Variants in INTS15 observed in about 807,000 individuals in gnomAD.
INTS15 encodes the protein integrator complex subunit 15, also known as uncharacterized protein C7orf26.
At chr7:6,599,925 T>G in the INTS15 span, 1 of 1,614,238 alleles carries the variant, frequency 6.2e-7, no homozygotes. Flanking sequence ...AATACTCCGA[T>G]TGCGGCCAAT....
the INTS15 span, chr7:6,607,393 G>T: frequency 6.5e-6 from 3 of 460,254 alleles, no homozygotes; most frequent in Non-Finnish European, 1.1e-5. This position sits in a 1 kb window ranked among gnomAD's most constrained non-coding sequence, Gnocchi z 6.0. Context: ...GCTGGGCGGG[G>T]TGGGTGCCCA....
the INTS15 span, among the ~76,000 whole-genome samples, chr7:6,595,183 C>T: frequency 6.6e-6 from 1 of 152,168 alleles, no homozygotes; most frequent in East Asian, 1.9e-4. Flanking sequence ...AGGTGCATGC[C>T]ACCACGCCTG....
the INTS15 span, among the ~76,000 whole-genome samples, chr7:6,601,302 TA>T: frequency 6.6e-6 from 1 of 152,134 alleles, no homozygotes; most frequent in African/African-American, 2.4e-5. Context: ...TTTATTCATT[TA>T]TTTTTTTTTT....
the INTS15 span, chr7:6,608,060 G>A: frequency 1.3e-6 from 2 of 1,597,866 alleles, no homozygotes; most frequent in Non-Finnish European, 1.7e-6. Context: ...GCTGGGCTAC[G>A]GGGCTGTCCC....
chr7:6,603,074 A>G, the INTS15 span, among the ~76,000 whole-genome samples: 1 of 151,204 alleles, frequency 6.6e-6, no homozygotes, highest in Non-Finnish European at 1.5e-5. Flanking sequence ...ACATGGTGAA[A>G]CCCCGTCTCT....
At chr7:6,592,288 A>G in the INTS15 span, among the ~76,000 whole-genome samples, 2 of 151,380 alleles carry the variant, frequency 1.3e-5, no homozygotes, top group African/African-American at 4.9e-5. Context: ...TTTTTTGGCC[A>G]TGCTTAGTGG....
At chr7:6,592,003 C>T in the INTS15 span, 1 of 699,540 alleles carries the variant, frequency 1.4e-6, no homozygotes, top group African/African-American at 1.8e-5. Flanking sequence ...GAAATCATGT[C>T]TCTACTAAAA....
chr7:6,596,137 C>T, the INTS15 span, among the ~76,000 whole-genome samples: 11 of 150,942 alleles, frequency 7.3e-5, no homozygotes, highest in African/African-American at 1.5e-4. Flanking sequence ...CTGCAACCTC[C>T]GCCACCTGGG....
At chr7:6,607,631 T>C in the INTS15 span, 1 of 1,459,408 alleles carries the variant, frequency 6.9e-7, no homozygotes, top group South Asian at 1.2e-5. The surrounding 1 kb of genome is among the most constrained non-coding windows in gnomAD (Gnocchi z 6.0). Flanking sequence ...CTGAGGAGAC[T>C]GTGGCCAGCT....
the INTS15 span, chr7:6,599,687 G>A: frequency 1.3e-6 from 1 of 790,312 alleles, no homozygotes; most frequent in Non-Finnish European, 2.1e-6. Flanking sequence ...AAAGGGGACA[G>A]AAAATAGCTA....
At chr7:6,590,538 C>T in the INTS15 span, 6 of 1,453,990 alleles carry the variant, frequency 4.1e-6, no homozygotes, top group African/African-American at 3.0e-5. Context: ...TTTTCCCCAG[C>T]GATGCAGGGC....
chr7:6,607,782 C>T, the INTS15 span: 2 of 1,483,146 alleles, frequency 1.3e-6, no homozygotes, highest in Admixed American at 2.2e-5. This position sits in a 1 kb window ranked among gnomAD's most constrained non-coding sequence, Gnocchi z 6.0. Flanking sequence ...GCATCCTCGC[C>T]TGTGGGGTCC....
the INTS15 span, chr7:6,590,627 C>G: frequency 7.2e-7 from 1 of 1,379,466 alleles, no homozygotes. Context: ...CCCCCAAACC[C>G]TTCTCCGGGT....
At chr7:6,594,001 CTTTTTTTTTT>C in the INTS15 span, among the ~76,000 whole-genome samples, 3 of 68,938 alleles carry the variant, frequency 4.4e-5, no homozygotes, top group South Asian at 5.6e-4. Context: ...AAGCCTTTAA[CTTTTTTTTTT>C]TTTTTTTTTT....
the INTS15 span, among the ~76,000 whole-genome samples, chr7:6,605,845 A>ACT: frequency 6.6e-6 from 1 of 151,614 alleles, no homozygotes; most frequent in Non-Finnish European, 1.5e-5. Flanking sequence ...ATTACAGACA[A>ACT]CTGCCACCAC....
At chr7:6,590,366 T>G in the INTS15 span, 2 of 1,607,184 alleles carry the variant, frequency 1.2e-6, no homozygotes, top group Non-Finnish European at 1.7e-6. Context: ...GACATCTACT[T>G]CAGCAGCCAG....
chr7:6,600,116 C>T, the INTS15 span: 1 of 1,614,222 alleles, frequency 6.2e-7, no homozygotes, highest in East Asian at 2.2e-5. Context: ...GTACTCAAAA[C>T]TCCACCTCAG....
At chr7:6,591,556 G>T in the INTS15 span, 2 of 1,190,532 alleles carry the variant, frequency 1.7e-6, no homozygotes, top group South Asian at 1.3e-5. Context: ...GAGCCACCGC[G>T]CCCAGTCTAT....
At chr7:6,607,600 AG>A in the INTS15 span, 21 of 1,377,578 alleles carry the variant, frequency 1.5e-5, no homozygotes, top group Non-Finnish European at 1.9e-5. The surrounding 1 kb of genome is among the most constrained non-coding windows in gnomAD (Gnocchi z 6.0). Context: ...GAATTCAGGT[AG>A]GGCGCGGTCA....
Sources: gnomAD v4.1 joint callset for allele counts (sites outside exome capture counted in the v4.1 genomes callset) on GRCh38, gnomAD v4.1.1 for gene constraint, Gnocchi (gnomAD v3.1) non-coding constraint, MANE v1.5 for transcripts, NCBI Gene and HGNC (gene_info 2026-07-23, HGNC 2026-07-21) for gene names.